Variants in PKP4 observed in about 807,000 individuals in gnomAD.
PKP4 encodes plakophilin 4.
In PKP4, 90 loss-of-function variants were observed where a neutral mutation model predicts 145.1. The observed-to-expected ratio is 0.62, with a 90% CI of 0.52 to 0.74. The LOEUF (loss-of-function observed/expected upper bound fraction) is 0.74, where lower values mean the gene tolerates loss of function less well. Among genes scored for constraint, PKP4 ranks in the 30% least tolerant of loss-of-function variants. The pLI is 0.00. For missense variants in PKP4, 1,340 were observed against 1,482.7 expected, an observed-to-expected ratio of 0.90 and a Z score of 1.58; for synonymous variants, 563 against 577.2, an observed-to-expected ratio of 0.98 and a Z score of 0.35.
intron 1 of PKP4, among the ~76,000 whole-genome samples, chr2:158,473,830 A>G (rs923673881): frequency 6.6e-6 from 1 of 152,174 alleles, no homozygotes; most frequent in Non-Finnish European, 1.5e-5. Context: ...CATTTAAAGC[A>G]ATTCAGATTG....
chr2:158,667,214 ATCC>A (rs1349435491), intron 16 of PKP4, among the ~76,000 whole-genome samples: 2 of 152,192 alleles, frequency 1.3e-5, no homozygotes, highest in Non-Finnish European at 2.9e-5. Context: ...GCATTGCCAC[ATCC>A]TAGGCAGGAT....
chr2:158,484,304 C>T (rs1013988838), intron 1 of PKP4, among the ~76,000 whole-genome samples: 5 of 152,148 alleles, frequency 3.3e-5, no homozygotes, highest in African/African-American at 1.2e-4. Context: ...ACCTCGGCCT[C>T]CCAAAGTGCT....
At chr2:158,589,217 T>A (rs1308215038) in intron 3 of PKP4, among the ~76,000 whole-genome samples, 1 of 152,212 alleles carries the variant, frequency 6.6e-6, no homozygotes, top group Non-Finnish European at 1.5e-5. Context: ...GTTATCCTCT[T>A]ACTCTTCAGT....
intron 1 of PKP4, among the ~76,000 whole-genome samples, chr2:158,480,919 A>T (rs1232019809): frequency 1.3e-5 from 2 of 152,158 alleles, no homozygotes; most frequent in Non-Finnish European, 2.9e-5. Context: ...TTCTGTCTTT[A>T]TGGATTCGCC....
intron 1 of PKP4, among the ~76,000 whole-genome samples, chr2:158,477,967 G>A (rs764352895): frequency 6.6e-6 from 1 of 152,166 alleles, no homozygotes; most frequent in African/African-American, 2.4e-5. Context: ...ATATATAACT[G>A]ATAAGCCAGG....
At chr2:158,523,833 A>C (rs1166697503) in intron 1 of PKP4, among the ~76,000 whole-genome samples, 2 of 138,382 alleles carry the variant, frequency 1.4e-5, no homozygotes, top group Non-Finnish European at 3.1e-5. Flanking sequence ...TACGTGAAGA[A>C]TGCAGAAGCC....
chr2:158,584,072 T>C (rs1044341344), intron 3 of PKP4, among the ~76,000 whole-genome samples: 32 of 152,294 alleles, frequency 2.1e-4, no homozygotes, highest in East Asian at 1.2e-3. Context: ...AGGGGCTCTC[T>C]GCACTGGGGT....
chr2:158,673,811 ACT>A, intron 18 of PKP4, 50 bp downstream of exon 18: 1 of 1,458,570 alleles, frequency 6.9e-7, no homozygotes, highest in South Asian at 1.1e-5. Context: ...CAGAGCACAC[ACT>A]CATAATCATT....
intron 2 of PKP4, among the ~76,000 whole-genome samples, chr2:158,558,510 G>T (rs756534591): frequency 1.3e-5 from 2 of 152,090 alleles, no homozygotes; most frequent in Non-Finnish European, 2.9e-5. Flanking sequence ...GAAAGGTCAG[G>T]GTAGATAGAT....
At chr2:158,611,775 T>C (rs1321430549) in intron 4 of PKP4, among the ~76,000 whole-genome samples, 1 of 152,148 alleles carries the variant, frequency 6.6e-6, no homozygotes, top group African/African-American at 2.4e-5. Flanking sequence ...GCCATAAACT[T>C]TACAAATGAC....
chr2:158,485,464 A>T (rs1366220187), intron 1 of PKP4, among the ~76,000 whole-genome samples: 1 of 152,168 alleles, frequency 6.6e-6, no homozygotes, highest in South Asian at 2.1e-4. Context: ...AACCTATAAC[A>T]CCACTGTTCA....
intron 17 of PKP4, among the ~76,000 whole-genome samples, chr2:158,670,806 C>T (rs1425955582): frequency 6.6e-6 from 1 of 152,208 alleles, no homozygotes; most frequent in African/African-American, 2.4e-5. Flanking sequence ...TGCATGACAC[C>T]TCACTGATTA....
At chr2:158,605,097 C>T (rs563815998) in intron 4 of PKP4, among the ~76,000 whole-genome samples, 1 of 152,202 alleles carries the variant, frequency 6.6e-6, no homozygotes, top group South Asian at 2.1e-4. Flanking sequence ...CATGTCTGCT[C>T]TGTTCAACAA....
chr2:158,458,911 TTC>T (rs1470759305), intron 1 of PKP4, among the ~76,000 whole-genome samples: 3 of 151,458 alleles, frequency 2.0e-5, no homozygotes, highest in Admixed American at 2.0e-4. Flanking sequence ...TCTCAGTTTT[TTC>T]TCTTTGTTAC....
intron 1 of PKP4, among the ~76,000 whole-genome samples, chr2:158,468,275 T>G (rs1305588683): frequency 6.6e-6 from 1 of 152,190 alleles, no homozygotes; most frequent in East Asian, 1.9e-4. Flanking sequence ...TAAGGTAGAT[T>G]TATAGCTTTG....
At chr2:158,640,594 C>A in intron 9 of PKP4, 33 bp from the exon 10 acceptor site, 1 of 1,608,586 alleles carries the variant, frequency 6.2e-7, no homozygotes, top group South Asian at 1.1e-5. Flanking sequence ...CAACATGGGC[C>A]TTCCTTTCTG....
intron 9 of PKP4, among the ~76,000 whole-genome samples, chr2:158,639,525 T>C (rs1242367614): frequency 6.6e-6 from 1 of 152,214 alleles, no homozygotes; most frequent in African/African-American, 2.4e-5. Context: ...TTACTCAGTA[T>C]GAATTCTTTT....
Position 158,556,529 on chromosome 2 carries a change from T to A in PKP4, c.133-20742T>A, listed in dbSNP as rs1200639343. ...GCATTGTGGCTCTTTCTCTCTTTTT[T>A]TTTTTTTTTAACTTGTACTTACCAA... On this transcript the variant is annotated intron_variant, in intron 2 of 21. Coordinates refer to ENST00000389759, the MANE Select transcript of PKP4 (RefSeq NM_003628.6). Among the ~76,000 whole-genome samples, 5 of 151,850 alleles carry A rather than the reference T, an allele frequency of 3.3e-5. No individual in the cohort carries two copies. The East Asian group carries it at 9.7e-4, about 29-fold the overall frequency.
chr2:158,523,220 T>A (rs1351592525), intron 1 of PKP4, among the ~76,000 whole-genome samples: 1 of 150,362 alleles, frequency 6.7e-6, no homozygotes, highest in African/African-American at 2.4e-5. Context: ...TCTGCAGACT[T>A]AAATGTCCCT....
Sources: gnomAD v4.1 joint callset for allele counts (sites outside exome capture counted in the v4.1 genomes callset) on GRCh38, gnomAD v4.1.1 for gene constraint, MANE v1.5 for transcripts, NCBI Gene and HGNC (gene_info 2026-07-23, HGNC 2026-07-21) for gene names.